Variants in CSMD3 observed in about 807,000 individuals in gnomAD.
The protein encoded by CSMD3 is CUB and Sushi multiple domains 3, also known as CUB and sushi domain-containing protein 3.
CSMD3 carries 177 observed loss-of-function variants against 435.2 expected under a neutral mutation model. The observed-to-expected ratio is 0.41, with a 90% CI of 0.36 to 0.46. CSMD3 has a LOEUF of 0.46. Among genes scored for constraint, CSMD3 ranks in the 20% least tolerant of loss-of-function variants. The pLI is 0.34. For missense variants in CSMD3, 4,265 were observed against 4,504.6 expected, an observed-to-expected ratio of 0.95 and a Z score of 1.52; for synonymous variants, 1,656 against 1,520.5, an observed-to-expected ratio of 1.09 and a Z score of -2.07.
chr8:112,490,785 T>C (rs564869352), intron 31 of CSMD3, among the ~76,000 whole-genome samples: 1 of 152,274 alleles, frequency 6.6e-6, no homozygotes, highest in Non-Finnish European at 1.5e-5. Flanking sequence ...ATTTTTCTAA[T>C]TCTAAATTAC....
chr8:112,985,860 C>A (rs1025466808), intron 6 of CSMD3, among the ~76,000 whole-genome samples: 1 of 152,152 alleles, frequency 6.6e-6, no homozygotes, highest in Admixed American at 6.6e-5. Context: ...AGGGATCCCA[C>A]TGCTTCTCCA....
At chr8:112,842,510 T>C (rs977328678) in intron 11 of CSMD3, among the ~76,000 whole-genome samples, 1 of 150,734 alleles carries the variant, frequency 6.6e-6, no homozygotes, top group Non-Finnish European at 1.5e-5. Context: ...GCAGTTGCAG[T>C]AGTAGTTACA....
intron 4 of CSMD3, among the ~76,000 whole-genome samples, chr8:113,105,575 G>C (rs575373817): frequency 6.6e-6 from 1 of 152,088 alleles, no homozygotes; most frequent in African/African-American, 2.4e-5. Context: ...AAGATGAATG[G>C]TTCCAACAAA....
chr8:113,058,655 T>C lies in CSMD3; in HGVS notation c.918-39476A>G, dbSNP rs528214412. On this transcript the variant is annotated intron_variant, in intron 5 of 70. Coordinates refer to ENST00000297405, the MANE Select transcript of CSMD3 (RefSeq NM_198123.2). ...AAAAGTAACATGGGGGTACTTATATTGCAATTTTTATTTTAAATGTTCCCT... is the reference window on the plus strand; with the variant it reads ...AAAAGTAACATGGGGGTACTTATATCGCAATTTTTATTTTAAATGTTCCCT... Among the ~76,000 whole-genome samples the C allele has an allele frequency of 4.6e-5, 7 of 152,088 alleles. No homozygotes were observed. In the East Asian group the frequency reaches 1.2e-3, roughly 25 times the overall value.
chr8:112,441,452 C>A (rs568893765), intron 32 of CSMD3, among the ~76,000 whole-genome samples: 1 of 152,318 alleles, frequency 6.6e-6, no homozygotes, highest in Non-Finnish European at 1.5e-5. Context: ...GCCCTCCAAA[C>A]TGTTCCAAAC....
At chr8:113,330,710 A>G (rs1264077653) in intron 1 of CSMD3, among the ~76,000 whole-genome samples, 1 of 151,926 alleles carries the variant, frequency 6.6e-6, no homozygotes, top group Admixed American at 6.6e-5. Context: ...ATACTTTTAT[A>G]GTCATATAGT....
At chr8:112,328,528 C>T (rs533196993) in intron 45 of CSMD3, among the ~76,000 whole-genome samples, 120 of 152,166 alleles carry the variant, frequency 7.9e-4, no homozygotes, top group African/African-American at 2.7e-3. Context: ...AGAGTGAATG[C>T]TTATTTGGAT....
intron 3 of CSMD3, among the ~76,000 whole-genome samples, chr8:113,190,697 T>C (rs77582081): frequency 4.5e-4 from 67 of 150,548 alleles, no homozygotes; most frequent in Admixed American, 2.9e-3. Flanking sequence ...TTTTTTTTTT[T>C]ATCATCCCAA....
chr8:113,180,368 C>T (rs2092406302), intron 3 of CSMD3, among the ~76,000 whole-genome samples: 1 of 151,882 alleles, frequency 6.6e-6, no homozygotes, highest in South Asian at 2.1e-4. Flanking sequence ...TGGAATTTAC[C>T]TGGGGACTTC....
intron 3 of CSMD3, 91 bp downstream of exon 3, chr8:113,278,501 T>A (rs2093588766): frequency 1.5e-6 from 1 of 678,498 alleles, no homozygotes; most frequent in Non-Finnish European, 2.8e-6. Context: ...CAACATGATG[T>A]TGTCTCAAAT....
intron 10 of CSMD3, among the ~76,000 whole-genome samples, chr8:112,877,840 G>A (rs1461446467): frequency 1.3e-5 from 2 of 152,092 alleles, no homozygotes; most frequent in Non-Finnish European, 2.9e-5. Context: ...TTTAATAAAT[G>A]GTGTTGGGGA....
intron 32 of CSMD3, among the ~76,000 whole-genome samples, chr8:112,464,880 G>T (rs1036938643): frequency 6.6e-6 from 1 of 152,082 alleles, no homozygotes; most frequent in African/African-American, 2.4e-5. Context: ...ATAAAATGGT[G>T]AACAAAGAAG....
intron 35 of CSMD3, among the ~76,000 whole-genome samples, chr8:112,391,587 G>C (rs1257250615): frequency 1.3e-5 from 2 of 152,162 alleles, no homozygotes; most frequent in East Asian, 3.9e-4. Context: ...AGCTACTCTG[G>C]AGGCTGAGGC....
intron 4 of CSMD3, among the ~76,000 whole-genome samples, chr8:113,109,968 G>T (rs376333088): frequency 6.6e-6 from 1 of 152,184 alleles, no homozygotes; most frequent in African/African-American, 2.4e-5. Context: ...TGAGAAGCAC[G>T]GAAACAGAGT....
chr8:113,070,414 A>T (rs978069095), intron 5 of CSMD3, among the ~76,000 whole-genome samples: 6 of 151,980 alleles, frequency 3.9e-5, no homozygotes, highest in African/African-American at 1.4e-4. Context: ...TCCTGGTAGA[A>T]TTTTTCTCAC....
chr8:113,115,609 T>C (rs1369693039), intron 4 of CSMD3, among the ~76,000 whole-genome samples: 2 of 152,222 alleles, frequency 1.3e-5, no homozygotes, highest in Admixed American at 6.5e-5. Context: ...CATTCATCCA[T>C]ATTTTTGCAT....
chr8:113,326,332 T>C (rs898131773), intron 1 of CSMD3, among the ~76,000 whole-genome samples: 15 of 141,640 alleles, frequency 1.1e-4, no homozygotes, highest in African/African-American at 3.8e-4. Flanking sequence ...GTTGTTATAT[T>C]AATTATATTA....
chr8:112,763,802 A>C (rs540524987), intron 13 of CSMD3, among the ~76,000 whole-genome samples: 1 of 151,232 alleles, frequency 6.6e-6, no homozygotes, highest in South Asian at 2.1e-4. Context: ...TTACTTTCAA[A>C]ATGTAACAAG....
intron 9 of CSMD3, among the ~76,000 whole-genome samples, chr8:112,946,076 A>G (rs534292759): frequency 1.3e-5 from 2 of 151,954 alleles, no homozygotes; most frequent in East Asian, 3.9e-4. Context: ...TTTGCTCATT[A>G]TATTACTATC....
Sources: allele counts gnomAD v4.1 joint callset (sites outside exome capture counted in the v4.1 genomes callset), GRCh38; gene constraint gnomAD v4.1.1; transcripts MANE v1.5; gene names NCBI Gene and HGNC (gene_info 2026-07-23, HGNC 2026-07-21).